Variants in TG observed in about 807,000 individuals in gnomAD.
TG encodes the protein thyroid hormones.
Under a neutral mutation model 324.7 loss-of-function variants are expected in TG, and 270 were observed. The observed-to-expected ratio is 0.83, with a 90% CI of 0.75 to 0.92. TG has a LOEUF of 0.92. TG is among the 40% of genes least tolerant of loss of function. The pLI is 0.00. For missense variants in TG, 3,591 were observed against 3,456.4 expected (o/e 1.04, Z -0.98); for synonymous variants, 1,401 against 1,327.0 (o/e 1.06, Z -1.21).
chr8:133,072,183 G>T (rs1320710699), intron 41 of TG, among the ~76,000 whole-genome samples: 1 of 152,200 alleles, frequency 6.6e-6, no homozygotes, highest in Non-Finnish European at 1.5e-5. Context: ...CTGGTGCTAA[G>T]GAGCGAAGTG....
At chr8:133,012,248 G>A (rs1432102522) in intron 36 of TG, among the ~76,000 whole-genome samples, 3 of 152,144 alleles carry the variant, frequency 2.0e-5, no homozygotes, top group Non-Finnish European at 2.9e-5. Context: ...GCCAGAAGAT[G>A]AGGGACATAA....
rs374177941 is a variant in TG, at chr8:133,134,662, C to A, written c.8189-14C>A. 142 of 1,609,346 alleles carry A rather than the reference C, an allele frequency of 8.8e-5. No individual in the cohort carries two copies. Among genetic ancestry groups the A allele is most frequent in the Admixed American group, 3.5e-4 (21 of 59,986 alleles). ...ATCTGGCTTGGACCAACCTTCCTTG[C>A]CCCTCTGTTTCAGATGGAGCCAAGG... On this transcript the variant is annotated splice_polypyrimidine_tract_variant and intron_variant, in intron 47 of 47. Transcript: ENST00000220616.
intron 19 of TG, among the ~76,000 whole-genome samples, chr8:132,912,342 A>G (rs896933712): frequency 1.3e-5 from 2 of 152,136 alleles, no homozygotes; most frequent in African/African-American, 4.8e-5. Context: ...AGCCGCAAAA[A>G]CATGAGATGT....
At chr8:132,983,909 C>T (rs767176997) in intron 35 of TG, among the ~76,000 whole-genome samples, 7 of 152,158 alleles carry the variant, frequency 4.6e-5, no homozygotes, top group South Asian at 2.1e-4. Flanking sequence ...CCCAGGTGCC[C>T]GGTAACATAG....
At chr8:132,982,585 A>T (rs1831018541) in intron 34 of TG, among the ~76,000 whole-genome samples, 1 of 152,218 alleles carries the variant, frequency 6.6e-6, no homozygotes, top group African/African-American at 2.4e-5. Context: ...GTCCATATCC[A>T]GTCTGTCTGC....
rs780062466 is a variant in TG, at chr8:132,888,167, G to A, written c.2360G>A (p.Arg787Gln). ...PPEQVFELYQ[R>Q]WEAQNKGQDL... The stretch of plus-strand genomic sequence containing the variant: ...GAGCAGGTCTTCGAGTTGTACCAAC[G>A]ATGGGAGGCTCAGAACAAGGGCCAG... Residue 787 changes from arginine (R) to glutamine (Q), a missense_variant, in exon 10 of 48, where the codon CGA (arginine) becomes CAA (glutamine). By Grantham distance (43) the Arg-to-Gln change is conservative. Transcript: ENST00000220616. 7.4e-6 allele frequency: 12 copies of A among 1,614,134 alleles called. No individual in the cohort carries two copies. In the East Asian group the frequency reaches 8.9e-5, roughly 12 times the overall value.
chr8:132,980,426 G>A (rs1263276273), intron 34 of TG, among the ~76,000 whole-genome samples: 1 of 152,012 alleles, frequency 6.6e-6, no homozygotes, highest in Non-Finnish European at 1.5e-5. Flanking sequence ...GTGCTGGGAG[G>A]GTGGGACACC....
intron 26 of TG, among the ~76,000 whole-genome samples, chr8:132,945,340 G>A (rs1825092778): frequency 6.6e-6 from 1 of 152,164 alleles, no homozygotes; most frequent in African/African-American, 2.4e-5. Context: ...TGGGGGTTGA[G>A]GAAGAGGTGT....
Position 132,966,466 on chromosome 8 carries a change from C to CTGTG in TG, c.5549-76_5549-73dup, listed in dbSNP as rs58797860. On this transcript the variant is annotated intron_variant, in intron 29 of 47. Coordinates refer to ENST00000220616, the MANE Select transcript of TG (RefSeq NM_003235.5). ...ACACTTTCTCTCTCTGTCTCTCTCT[C>CTGTG]TGTGTGTGTGTGTGTGTGTGTTTCT... 4.3e-4 allele frequency: 422 copies of CTGTG among 974,066 alleles called. 3 individuals are homozygous for CTGTG. The highest frequency in any genetic ancestry group is 5.6e-4 in the Non-Finnish European group (364 of 650,608). 60.3% of individuals were successfully genotyped at this position (974,066 alleles called of 1,614,324 possible).
At chr8:133,107,783 A>G (rs979824595) in intron 43 of TG, among the ~76,000 whole-genome samples, 1 of 152,162 alleles carries the variant, frequency 6.6e-6, no homozygotes, top group East Asian at 1.9e-4. Flanking sequence ...TCATGGGAGC[A>G]TAAACTGGGC....
chr8:133,110,808 C>T (rs10096095), intron 43 of TG, among the ~76,000 whole-genome samples: 2,669 of 152,282 alleles, frequency 0.018, 68 homozygotes, highest in African/African-American at 0.059. Flanking sequence ...GAGCTGGAAC[C>T]CAAATCTGGG....
chr8:133,023,079 G>A (rs1388325330), intron 40 of TG, among the ~76,000 whole-genome samples: 16 of 152,146 alleles, frequency 1.1e-4, no homozygotes, highest in Admixed American at 9.2e-4. Context: ...GATATCCTAC[G>A]TGCTAAGTGT....
intron 34 of TG, among the ~76,000 whole-genome samples, chr8:132,981,830 CAG>C (rs1222808219): frequency 6.6e-6 from 1 of 152,100 alleles, no homozygotes; most frequent in African/African-American, 2.4e-5. Context: ...TGCTTCCAGG[CAG>C]ATGATGCCAA....
Position 133,050,846 on chromosome 8 carries a change from C to T in TG, c.7239+20823C>T, listed in dbSNP as rs201581025. ...AATCACACGCAGTTTCTCCCCTCGG[C>T]GGAATATCGGGGGGCTGATGTCAGG... On this transcript the variant is annotated intron_variant, in intron 41 of 47. Transcript: ENST00000220616. 9.9e-5 allele frequency: 159 copies of T among 1,612,722 alleles called. No individual in the cohort carries two copies. Among genetic ancestry groups the T allele is most frequent in the Non-Finnish European group, 1.2e-4 (147 of 1,178,842 alleles).
intron 40 of TG, among the ~76,000 whole-genome samples, chr8:133,023,375 C>T (rs1835729403): frequency 2.6e-5 from 4 of 151,902 alleles, no homozygotes; most frequent in Admixed American, 2.6e-4. Flanking sequence ...CCTTTCCTGG[C>T]TCTGAGAGAC....
At chr8:132,893,582 T>G (rs1266948692) in intron 10 of TG, 108 bp from the exon 11 acceptor site, 2 of 1,396,296 alleles carry the variant, frequency 1.4e-6, no homozygotes, top group Non-Finnish European at 1.0e-6. Context: ...GTGTGTGTGG[T>G]GTGTGTGTGG....
intron 18 of TG, among the ~76,000 whole-genome samples, chr8:132,910,446 A>G (rs1819350263): frequency 6.6e-6 from 1 of 152,198 alleles, no homozygotes; most frequent in Admixed American, 6.5e-5. Context: ...CTCTCTTGGA[A>G]TGTTACCTTT....
chr8:132,967,318 G>A (rs1828765849), intron 30 of TG, among the ~76,000 whole-genome samples: 1 of 152,168 alleles, frequency 6.6e-6, no homozygotes, highest in Non-Finnish European at 1.5e-5. Context: ...TGATTTTGGA[G>A]AAGAAAGAGA....
chr8:132,882,336 T>G lies in TG; in HGVS notation c.746-133T>G, dbSNP rs142782685. ...ACAGCAGCTCTGACTTTGGAAACTG[T>G]TAAAGTGTTGTTCAGACTTATTGCC... On this transcript the variant is annotated intron_variant, in intron 6 of 47. Coordinates refer to ENST00000220616, the MANE Select transcript of TG (RefSeq NM_003235.5). 1.4e-4 allele frequency: 154 copies of G among 1,097,336 alleles called. 1 individual carries two copies. In the East Asian group the frequency reaches 2.1e-3, roughly 15 times the overall value. The allele number at this position is 1,097,336 out of a possible 1,614,324, so 68.0% of individuals were successfully genotyped here. A position where few individuals can be genotyped will look rare whatever the true frequency, so the allele number is the denominator to read the frequency against.
Sources: gnomAD v4.1 joint callset for allele counts (sites outside exome capture counted in the v4.1 genomes callset) on GRCh38, gnomAD v4.1.1 for gene constraint, MANE v1.5 for transcripts, NCBI Gene and HGNC (gene_info 2026-07-23, HGNC 2026-07-21) for gene names.